ADAMTSL1: variants seen among roughly 807,000 people sequenced by gnomAD.
ADAMTSL1 encodes the protein ADAMTS-like protein 1.
In ADAMTSL1, 126 loss-of-function variants were observed where a neutral mutation model predicts 201.8. The ratio of observed to expected loss-of-function variants is 0.62; its 90% CI spans 0.54 to 0.72. The LOEUF is 0.72. Among genes scored for constraint, ADAMTSL1 ranks in the 30% least tolerant of loss-of-function variants. The pLI is 0.00. For missense variants in ADAMTSL1, 2,679 were observed against 2,277.8 expected (o/e 1.18, Z -3.59); for synonymous variants, 1,121 against 903.4 (o/e 1.24, Z -4.32).
intron 2 of ADAMTSL1, among the ~76,000 whole-genome samples, chr9:18,511,847 G>T (rs905125745): frequency 6.6e-6 from 1 of 152,036 alleles, no homozygotes; most frequent in Non-Finnish European, 1.5e-5. Context: ...ACAAATGTTT[G>T]TTTTTTTCTC....
At chr9:18,846,342 G>A (rs1416193313) in intron 23 of ADAMTSL1, among the ~76,000 whole-genome samples, 1 of 152,180 alleles carries the variant, frequency 6.6e-6, no homozygotes, top group East Asian at 1.9e-4. Flanking sequence ...AGAAACCAAT[G>A]TTTGAGCAAG....
intron 1 of ADAMTSL1, among the ~76,000 whole-genome samples, chr9:17,942,442 C>T (rs568509842): frequency 6.6e-6 from 1 of 152,236 alleles, no homozygotes; most frequent in South Asian, 2.1e-4. Flanking sequence ...TCAGATGTGA[C>T]ACAGGGAACA....
At chr9:18,874,993 G>C (rs1427101834) in intron 23 of ADAMTSL1, among the ~76,000 whole-genome samples, 1 of 152,010 alleles carries the variant, frequency 6.6e-6, no homozygotes, top group Non-Finnish European at 1.5e-5. Flanking sequence ...TTTAATCTAG[G>C]AGGGTTGTAT....
At chr9:18,891,412 G>A (rs377156045) in intron 25 of ADAMTSL1, among the ~76,000 whole-genome samples, 7 of 152,256 alleles carry the variant, frequency 4.6e-5, no homozygotes, top group African/African-American at 1.7e-4. Flanking sequence ...ATGAGCAACA[G>A]TCTCGCGATT....
At chr9:18,422,846 T>A (rs1472265110) in intron 2 of ADAMTSL1, among the ~76,000 whole-genome samples, 1 of 152,176 alleles carries the variant, frequency 6.6e-6, no homozygotes, top group African/African-American at 2.4e-5. Flanking sequence ...AACCAACAGC[T>A]CCCTGTGGAT....
At position 18,300,249 on chromosome 9, in the gene ADAMTSL1, G is replaced by A. The variant is rs1223313210; in HGVS notation, c.207+136268G>A. ...ATGATAGACTGGATTAAGAAAATGT[G>A]GCACATATACACCATGGAATACTAT... On this transcript the variant is annotated intron_variant, in intron 2 of 29. Transcript: ENST00000680146. 2.0e-5 allele frequency among the ~76,000 whole-genome samples: 3 copies of A among 152,122 alleles called. No homozygotes were observed. The East Asian group carries it at 5.8e-4, about 29-fold the overall frequency.
intron 3 of ADAMTSL1, among the ~76,000 whole-genome samples, chr9:18,562,322 TTTTAAGAATGTTGAATA>T (rs1005028805): frequency 3.3e-4 from 50 of 152,066 alleles, no homozygotes; most frequent in African/African-American, 1.0e-3. Flanking sequence ...TTGAAAATTC[TTTTAAGAATGTTGAATA>T]TTGGCCCCCA....
intron 2 of ADAMTSL1, among the ~76,000 whole-genome samples, chr9:18,167,778 C>A (rs1827700619): frequency 2.0e-5 from 3 of 151,862 alleles, no homozygotes; most frequent in African/African-American, 7.2e-5. Context: ...AGCACTAGTA[C>A]CTGAAGATAA....
intron 2 of ADAMTSL1, among the ~76,000 whole-genome samples, chr9:18,235,966 A>G (rs1030595473): frequency 3.3e-5 from 5 of 152,258 alleles, no homozygotes; most frequent in Non-Finnish European, 7.3e-5. Flanking sequence ...CATGGGCAAG[A>G]TGATGCTTTT....
chr9:18,307,540 C>T (rs967863721), intron 2 of ADAMTSL1, among the ~76,000 whole-genome samples: 95 of 152,010 alleles, frequency 6.2e-4, no homozygotes, highest in African/African-American at 2.3e-3. Context: ...GCAGGGGTTG[C>T]AATCCTATTC....
At chr9:18,709,531 C>G (rs1250694730) in intron 14 of ADAMTSL1, among the ~76,000 whole-genome samples, 2 of 152,190 alleles carry the variant, frequency 1.3e-5, no homozygotes, top group African/African-American at 4.8e-5. Context: ...CCAGAAGGAA[C>G]TAGTTAGTAA....
At chr9:18,441,760 G>C (rs1341293020) in intron 2 of ADAMTSL1, among the ~76,000 whole-genome samples, 1 of 152,108 alleles carries the variant, frequency 6.6e-6, no homozygotes, top group Non-Finnish European at 1.5e-5. Context: ...AGAATGTAAT[G>C]CTCTCAGCCT....
At chr9:18,690,828 A>G (rs1396360291) in intron 13 of ADAMTSL1, among the ~76,000 whole-genome samples, 1 of 152,116 alleles carries the variant, frequency 6.6e-6, no homozygotes, top group Non-Finnish European at 1.5e-5. Context: ...GCTTAATATA[A>G]TTTCTTGGGC....
At chr9:18,332,019 C>G (rs1407513660) in intron 2 of ADAMTSL1, among the ~76,000 whole-genome samples, 2 of 152,042 alleles carry the variant, frequency 1.3e-5, no homozygotes, top group African/African-American at 4.8e-5. Flanking sequence ...GAAACTTGAT[C>G]TCTCAGGGAT....
intron 9 of ADAMTSL1, among the ~76,000 whole-genome samples, chr9:18,669,022 G>A (rs1460954423): frequency 2.6e-5 from 4 of 152,176 alleles, no homozygotes; most frequent in African/African-American, 9.7e-5. Context: ...CTGATGCCTG[G>A]TGCAGCCTTC....
chr9:18,093,752 G>T (rs1824126307), intron 1 of ADAMTSL1, among the ~76,000 whole-genome samples: 1 of 152,118 alleles, frequency 6.6e-6, no homozygotes, highest in Non-Finnish European at 1.5e-5. Context: ...TTTGAGCTTT[G>T]GTCTTGGAAG....
At chr9:18,541,969 A>G (rs1218072326) in intron 3 of ADAMTSL1, among the ~76,000 whole-genome samples, 1 of 152,182 alleles carries the variant, frequency 6.6e-6, no homozygotes, top group Non-Finnish European at 1.5e-5. Flanking sequence ...CTATAGTATG[A>G]TCTCAGTTTT....
chr9:18,472,244 C>T (rs1821244183), upstream of ADAMTSL1, among the ~76,000 whole-genome samples: 1 of 152,170 alleles, frequency 6.6e-6, no homozygotes, highest in Non-Finnish European at 1.5e-5. Flanking sequence ...AATCAATCAC[C>T]TTTCTTTAAT....
At chr9:18,031,042 C>G (rs4961621) in intron 1 of ADAMTSL1, among the ~76,000 whole-genome samples, 20,976 of 151,976 alleles carry the variant, frequency 0.14, 1,678 homozygotes, top group East Asian at 0.41. Context: ...AAAATGGCTA[C>G]GTCATCTTTT....
Sources: allele counts gnomAD v4.1 joint callset (sites outside exome capture counted in the v4.1 genomes callset), GRCh38; gene constraint gnomAD v4.1.1; transcripts MANE v1.5; gene names NCBI Gene and HGNC (gene_info 2026-07-23, HGNC 2026-07-21).